Variants in DLGAP1 observed in about 807,000 individuals in gnomAD.
DLGAP1 encodes DLG associated protein 1, also known as disks large-associated protein 1.
DLGAP1 carries 11 observed loss-of-function variants against 90.8 expected under a neutral mutation model. That is an observed-to-expected ratio of 0.12 (90% CI 0.08 to 0.20). The LOEUF is 0.20. DLGAP1 is among the 10% of genes least tolerant of loss of function. DLGAP1 has a pLI of 1.00. For missense variants in DLGAP1, 1,050 were observed against 1,333.8 expected, an observed-to-expected ratio of 0.79 and a Z score of 3.31; for synonymous variants, 558 against 540.7, an observed-to-expected ratio of 1.03 and a Z score of -0.44.
intron 2 of DLGAP1, chr18:4,014,012 C>G (rs2074476521): frequency 1.3e-5 from 2 of 151,032 alleles, no homozygotes; most frequent in South Asian, 2.1e-4. Flanking sequence ...ATACCGTATA[C>G]TTGGTATAGT....
chr18:3,643,464 C>T (rs1447869610), intron 7 of DLGAP1, among the ~76,000 whole-genome samples: 1 of 151,830 alleles, frequency 6.6e-6, no homozygotes, highest in Non-Finnish European at 1.5e-5. Flanking sequence ...GAGATCGAGA[C>T]CATCCTGGCT....
At chr18:3,550,884 G>A (rs934601811) in intron 9 of DLGAP1, among the ~76,000 whole-genome samples, 2 of 151,950 alleles carry the variant, frequency 1.3e-5, no homozygotes, top group East Asian at 1.9e-4. Context: ...TAGGATTACA[G>A]GGGCCCACCA....
At chr18:3,641,584 T>TACACAC (rs1381099647) in intron 7 of DLGAP1, among the ~76,000 whole-genome samples, 3,055 of 125,094 alleles carry the variant, frequency 0.024, 119 homozygotes, top group African/African-American at 0.087. Flanking sequence ...CACATATATA[T>TACACAC]ATACACACAC....
chr18:3,981,645 A>G, intron 3 of DLGAP1, among the ~76,000 whole-genome samples: 1 of 152,232 alleles, frequency 6.6e-6, no homozygotes, highest in South Asian at 2.1e-4. Flanking sequence ...ACTAGGTGAG[A>G]AAAACTCTCA....
At chr18:3,892,265 T>TTTCACAACTAGATCGTAAATTAGA (rs1175671481) in intron 3 of DLGAP1, among the ~76,000 whole-genome samples, 4 of 152,086 alleles carry the variant, frequency 2.6e-5, no homozygotes, top group African/African-American at 9.7e-5. Context: ...CTCTACACTT[T>TTTCACAACTAGATCGTAAATTAGA]TTCAATATAA....
chr18:3,958,092 C>T (rs779123397), intron 3 of DLGAP1, among the ~76,000 whole-genome samples: 2 of 152,030 alleles, frequency 1.3e-5, no homozygotes, highest in South Asian at 2.1e-4. Flanking sequence ...CAGGGTTTCA[C>T]TATGTTGGCC....
chr18:3,916,196 C>G (rs966250842), intron 3 of DLGAP1, among the ~76,000 whole-genome samples: 12 of 152,170 alleles, frequency 7.9e-5, no homozygotes, highest in Admixed American at 2.0e-4. Flanking sequence ...AGGACAGGGA[C>G]GCTGCTTCAG....
chr18:3,588,053 T>A (rs544495164), intron 7 of DLGAP1, among the ~76,000 whole-genome samples: 85 of 152,362 alleles, frequency 5.6e-4, no homozygotes, highest in African/African-American at 2.0e-3. Flanking sequence ...AGGACTCTTA[T>A]CCATTTATGA....
intron 10 of DLGAP1, among the ~76,000 whole-genome samples, chr18:3,532,144 C>G (rs2052046958): frequency 1.3e-5 from 2 of 152,040 alleles, no homozygotes; most frequent in Admixed American, 1.3e-4. Context: ...TATGAGCCAC[C>G]ACACCTGGTG....
chr18:4,057,170 C>T (rs1341615777), intron 2 of DLGAP1, among the ~76,000 whole-genome samples: 2 of 151,990 alleles, frequency 1.3e-5, no homozygotes, highest in African/African-American at 4.8e-5. Flanking sequence ...AGTTTTTAAA[C>T]TGTCTCTGAA....
intron 7 of DLGAP1, among the ~76,000 whole-genome samples, chr18:3,705,895 G>A (rs2061416775): frequency 6.6e-6 from 1 of 151,788 alleles, no homozygotes; most frequent in Non-Finnish European, 1.5e-5. Context: ...CTGGCCTCAG[G>A]TGATCCTCCC....
chr18:3,745,951 A>T (rs1373547653), intron 5 of DLGAP1, among the ~76,000 whole-genome samples: 1 of 152,158 alleles, frequency 6.6e-6, no homozygotes, highest in Admixed American at 6.5e-5. Flanking sequence ...GGCCTCCCCA[A>T]GTGCTGGGAT....
intron 1 of DLGAP1, among the ~76,000 whole-genome samples, chr18:4,329,151 T>C (rs2080891713): frequency 6.6e-6 from 1 of 152,000 alleles, no homozygotes; most frequent in Non-Finnish European, 1.5e-5. Context: ...GCTCTCTATA[T>C]AGTTTATAGC....
intron 1 of DLGAP1, among the ~76,000 whole-genome samples, chr18:4,405,483 A>C (rs982705579): frequency 5.3e-5 from 8 of 152,210 alleles, no homozygotes; most frequent in Non-Finnish European, 8.8e-5. Context: ...TCAAAGAACA[A>C]CACAATGAGC....
At chr18:4,085,956 T>C (rs2075674857) in intron 2 of DLGAP1, among the ~76,000 whole-genome samples, 1 of 152,234 alleles carries the variant, frequency 6.6e-6, no homozygotes, top group South Asian at 2.1e-4. Context: ...TGCTCTCAAC[T>C]TGGTTTGACT....
chr18:3,822,520 G>C (rs973552035), intron 4 of DLGAP1, among the ~76,000 whole-genome samples: 1 of 152,178 alleles, frequency 6.6e-6, no homozygotes, highest in Non-Finnish European at 1.5e-5. Context: ...GGAAGGAAAC[G>C]AGTAAAGAGC....
chr18:4,402,809 ACATCTCT>A (rs1307813321), intron 1 of DLGAP1, among the ~76,000 whole-genome samples: 1 of 152,160 alleles, frequency 6.6e-6, no homozygotes, highest in Admixed American at 6.5e-5. Flanking sequence ...TTTTTTCACC[ACATCTCT>A]CACCAAAATT....
At chr18:4,205,127 C>CA (rs1211747019) in intron 1 of DLGAP1, among the ~76,000 whole-genome samples, 2 of 152,128 alleles carry the variant, frequency 1.3e-5, no homozygotes, top group Non-Finnish European at 2.9e-5. Flanking sequence ...AGCATGTTGA[C>CA]AGATGCCTGA....
Position 4,040,149 on chromosome 18 carries a change from T to C in DLGAP1, c.-158-34948A>G, listed in dbSNP as rs1232435246. ...AGAGTTTGGACTCTCTAGGGTCAAA[T>C]TGTAACTCTACCACTCATCCGCTGT... On this transcript the variant is annotated intron_variant, in intron 2 of 12. Transcript: ENST00000315677. Among the ~76,000 whole-genome samples the C allele has an allele frequency of 6.6e-5, 10 of 152,332 alleles. No individual in the cohort carries two copies. The South Asian group carries it at 1.9e-3, about 28-fold the overall frequency.
Sources: gnomAD v4.1 joint callset for allele counts (sites outside exome capture counted in the v4.1 genomes callset) on GRCh38, gnomAD v4.1.1 for gene constraint, MANE v1.5 for transcripts, NCBI Gene and HGNC (gene_info 2026-07-23, HGNC 2026-07-21) for gene names.